DHRS3: variants seen among roughly 807,000 people sequenced by gnomAD.
DHRS3 encodes short-chain dehydrogenase/reductase 3.
Under a neutral mutation model 27.2 loss-of-function variants are expected in DHRS3, and 14 were observed. That is an observed-to-expected ratio of 0.52 (90% CI 0.34 to 0.81). The LOEUF is 0.81. DHRS3 is among the 30% of genes least tolerant of loss of function. DHRS3 has a pLI of 0.01. For missense variants in DHRS3, 322 were observed against 406.2 expected (o/e 0.79, Z 1.78); for synonymous variants, 165 against 175.9 (o/e 0.94, Z 0.49).
chr1:12,573,023 C>T (rs1570353817), intron 4 of DHRS3, among the ~76,000 whole-genome samples, 170 bp from the exon 5 acceptor site: 3 of 152,304 alleles, frequency 2.0e-5, no homozygotes, highest in East Asian at 3.9e-4. Context: ...TGCCACATTC[C>T]CTCACTCCTC....
At chr1:12,580,337 G>T in intron 2 of DHRS3, 186 bp downstream of exon 2, 2 of 710,956 alleles carry the variant, frequency 2.8e-6, no homozygotes, top group Non-Finnish European at 4.9e-6. Flanking sequence ...CGCCTGTTAC[G>T]TAATCAACCC....
chr1:12,617,513 A>C lies in DHRS3; in HGVS notation c.-165T>G. On this transcript the variant is annotated 5_prime_UTR_variant, in exon 1 of 6. Transcript: ENST00000616661. ...CTTCCCAAATGCAAAGCACCGGGTGAGAAAAAGAAAAAAAAAAAAAAAAAA... is the reference window on the plus strand; with the variant it reads ...CTTCCCAAATGCAAAGCACCGGGTGCGAAAAAGAAAAAAAAAAAAAAAAAA... The C allele has an allele frequency of 3.7e-6, 1 of 272,882 alleles. No homozygotes were observed. Among genetic ancestry groups the C allele is most frequent in the Non-Finnish European group, 6.3e-6 (1 of 157,678 alleles). The allele number at this position is 272,882 out of a possible 1,614,324, so 16.9% of individuals were successfully genotyped here.
At position 12,617,140 on chromosome 1, in the gene DHRS3, G is replaced by T; in HGVS notation, c.195+14C>A. 6.2e-7 allele frequency: 1 copy of T among 1,605,710 alleles called. No homozygotes were observed. Among genetic ancestry groups the T allele is most frequent in the South Asian group, 1.1e-5 (1 of 90,814 alleles). The stretch of plus-strand genomic sequence containing the variant: ...CTGCGGCCCCCCACTCCCTGGAGTC[G>T]CAGTGCCTGGTACCTTTCTGGCGCC... On this transcript the variant is annotated intron_variant, in intron 1 of 5. Transcript: ENST00000616661.
chr1:12,599,956 C>T (rs1221944577), intron 1 of DHRS3, among the ~76,000 whole-genome samples: 3 of 152,178 alleles, frequency 2.0e-5, no homozygotes, highest in East Asian at 1.9e-4. Context: ...TTGTTTAACA[C>T]GTGGGTAGCA....
chr1:12,604,162 C>T (rs1278928435), intron 1 of DHRS3, among the ~76,000 whole-genome samples: 1 of 152,190 alleles, frequency 6.6e-6, no homozygotes. Flanking sequence ...GTTCCTGCAA[C>T]CCCCTCAGTT....
chr1:12,597,502 C>A (rs1283299286), intron 1 of DHRS3, among the ~76,000 whole-genome samples: 1 of 152,258 alleles, frequency 6.6e-6, no homozygotes, highest in Admixed American at 6.5e-5. Flanking sequence ...TCACATCCCT[C>A]TGCTTTCTTG....
chr1:12,591,615 C>T lies in DHRS3; in HGVS notation c.196-10949G>A, dbSNP rs112310031. 8.5e-5 allele frequency among the ~76,000 whole-genome samples: 13 copies of T among 152,374 alleles called. No homozygotes were observed. The highest frequency in any genetic ancestry group is 2.9e-4 in the African/African-American group (12 of 41,598). The stretch of plus-strand genomic sequence containing the variant: ...ACGTGGGGCTCACTAGCTGGCCACA[C>T]TGCCTCAGCATGGGTGCCGTGGGGC... On this transcript the variant is annotated intron_variant, in intron 1 of 5. Coordinates refer to ENST00000616661, the MANE Select transcript of DHRS3 (RefSeq NM_004753.7). This position sits in a 1 kb window ranked among gnomAD's most constrained non-coding sequence, Gnocchi z 4.1.
intron 1 of DHRS3, 137 bp downstream of exon 1, chr1:12,617,017 C>T: frequency 1.8e-6 from 2 of 1,107,820 alleles, no homozygotes; most frequent in South Asian, 3.2e-5. Context: ...CCGACTAGCT[C>T]AGCACTCGTG....
chr1:12,590,840 T>C (rs1381578659), intron 1 of DHRS3, among the ~76,000 whole-genome samples: 1 of 152,188 alleles, frequency 6.6e-6, no homozygotes, highest in African/African-American at 2.4e-5. Flanking sequence ...AGATCCACAC[T>C]GATCACACTG....
At chr1:12,603,510 C>A (rs552732457) in intron 1 of DHRS3, among the ~76,000 whole-genome samples, 1 of 152,328 alleles carries the variant, frequency 6.6e-6, no homozygotes, top group South Asian at 2.1e-4. Flanking sequence ...TGCTCCATCT[C>A]CCACGTGGCC....
chr1:12,603,165 G>C (rs925799336), intron 1 of DHRS3, among the ~76,000 whole-genome samples: 2 of 152,182 alleles, frequency 1.3e-5, no homozygotes, highest in Non-Finnish European at 2.9e-5. Context: ...ATCTGGGGTG[G>C]GAGTGTGGGT....
intron 4 of DHRS3, among the ~76,000 whole-genome samples, chr1:12,576,104 A>C (rs1413074092): frequency 6.6e-6 from 1 of 152,120 alleles, no homozygotes; most frequent in Non-Finnish European, 1.5e-5. Context: ...CTGGGATTTG[A>C]CCCCAGGCAG....
chr1:12,613,853 T>A (rs1370396698), intron 1 of DHRS3, among the ~76,000 whole-genome samples: 1 of 152,172 alleles, frequency 6.6e-6, no homozygotes, highest in Non-Finnish European at 1.5e-5. Context: ...CACTGCAACC[T>A]CTACCTCCTG....
intron 1 of DHRS3, among the ~76,000 whole-genome samples, chr1:12,588,419 C>G (rs1646716400): frequency 6.6e-6 from 1 of 152,180 alleles, no homozygotes; most frequent in African/African-American, 2.4e-5. Context: ...AGTGACTCAC[C>G]CAAGGTCATG....
At chr1:12,610,405 T>C (rs1356707893) in intron 1 of DHRS3, among the ~76,000 whole-genome samples, 1 of 152,150 alleles carries the variant, frequency 6.6e-6, no homozygotes, top group Non-Finnish European at 1.5e-5. Flanking sequence ...TCTTGCTTTT[T>C]ATCTGTCTCT....
At chr1:12,603,044 T>TC (rs1196173612) in intron 1 of DHRS3, among the ~76,000 whole-genome samples, 1 of 152,100 alleles carries the variant, frequency 6.6e-6, no homozygotes, top group South Asian at 2.1e-4. Flanking sequence ...TTGGGCTGAG[T>TC]CCCCCTTGGA....
At position 12,593,736 on chromosome 1, in the gene DHRS3, C is replaced by T. The variant is rs1646765442; in HGVS notation, c.196-13070G>A. On this transcript the variant is annotated intron_variant, in intron 1 of 5. Coordinates refer to ENST00000616661, the MANE Select transcript of DHRS3 (RefSeq NM_004753.7). The surrounding 1 kb of genome is among the most constrained non-coding windows in gnomAD (Gnocchi z 4.6). The stretch of plus-strand genomic sequence containing the variant: ...CCTGCCAAGAGCCAGTACGTGACAA[C>T]TGGGCAGTCTCCACCTCATCCCTGG... Among the ~76,000 whole-genome samples, 1 of 152,224 alleles carries T rather than the reference C, an allele frequency of 6.6e-6. No individual in the cohort carries two copies. Among genetic ancestry groups the T allele is most frequent in the African/African-American group, 2.4e-5 (1 of 41,450 alleles).
intron 4 of DHRS3, 121 bp from the exon 5 acceptor site, chr1:12,572,974 C>T (rs1198811344): frequency 7.7e-7 from 1 of 1,297,172 alleles, no homozygotes; most frequent in Non-Finnish European, 1.0e-6. Context: ...AGATTCGAGG[C>T]CTGCTTGGAA....
intron 1 of DHRS3, chr1:12,600,329 CG>C: frequency 1.0e-6 from 1 of 984,868 alleles, no homozygotes; most frequent in Non-Finnish European, 1.2e-6. Context: ...TGTGAGCCCT[CG>C]GAGGGCACCA....
Sources: gnomAD v4.1 joint callset for allele counts (sites outside exome capture counted in the v4.1 genomes callset) on GRCh38, gnomAD v4.1.1 for gene constraint, Gnocchi (gnomAD v3.1) non-coding constraint, MANE v1.5 for transcripts, NCBI Gene and HGNC (gene_info 2026-07-23, HGNC 2026-07-21) for gene names.